The following MSRA variants were observed in gnomAD, a reference collection of about 807,000 sequenced individuals.
MSRA encodes mitochondrial peptide methionine sulfoxide reductase.
A neutral mutation model predicts 31.3 loss-of-function variants in MSRA; 54 were observed. The observed-to-expected ratio is 1.73, with a 90% CI of 1.39 to 2.17. The LOEUF (loss-of-function observed/expected upper bound fraction) is 2.17, where lower values mean the gene tolerates loss of function less well. Ranked by LOEUF, MSRA falls within the 30% of genes most tolerant of loss-of-function variation. The pLI is 0.00. For synonymous variants in MSRA, 169 were observed against 116.5 expected, an observed-to-expected ratio of 1.45 and a Z score of -2.90; for missense variants, 507 against 300.9, an observed-to-expected ratio of 1.69 and a Z score of -5.07.
chr8:10,352,694 T>C (rs1804250860), intron 5 of MSRA, among the ~76,000 whole-genome samples: 1 of 152,146 alleles, frequency 6.6e-6, no homozygotes, highest in South Asian at 2.1e-4. Flanking sequence ...CACATTTCCC[T>C]GGTGAGCAAA....
intron 3 of MSRA, among the ~76,000 whole-genome samples, chr8:10,254,210 C>A (rs1798061563): frequency 6.6e-6 from 1 of 152,202 alleles, no homozygotes; most frequent in Non-Finnish European, 1.5e-5. Flanking sequence ...TGGGAGGTAG[C>A]ATCACGTCTC....
At chr8:10,329,966 T>A (rs536732249) in intron 5 of MSRA, among the ~76,000 whole-genome samples, 16 of 149,628 alleles carry the variant, frequency 1.1e-4, no homozygotes, top group African/African-American at 3.7e-4. Context: ...TAGAAAAAAA[T>A]AAATCCTAAG....
At chr8:10,361,019 G>A (rs1002363235) in intron 5 of MSRA, among the ~76,000 whole-genome samples, 8 of 152,174 alleles carry the variant, frequency 5.3e-5, no homozygotes, top group African/African-American at 1.4e-4. Flanking sequence ...TTTTCAACCC[G>A]ATAAACAGCC....
rs375612576 is a variant in MSRA at position 10,076,778 on chromosome 8, C to T, written c.142+22120C>T. On this transcript the variant is annotated intron_variant, in intron 1 of 5. Transcript: ENST00000317173. ...TCTCCTGCCTTTCCGCAAGTGTCTCCACCCAGCTCCGATAGAGTGGGTAGC... is the reference window on the plus strand; with the variant it reads ...TCTCCTGCCTTTCCGCAAGTGTCTCTACCCAGCTCCGATAGAGTGGGTAGC... Among the ~76,000 whole-genome samples the T allele has an allele frequency of 7.2e-5, 11 of 152,200 alleles. No individual in the cohort carries two copies. In the East Asian group the frequency reaches 1.9e-3, roughly 27 times the overall value.
rs373225312 is a variant in MSRA, at chr8:10,156,561, TAAAC to T, written c.143-51269_143-51266del. On this transcript the variant is annotated intron_variant, in intron 1 of 5. Transcript: ENST00000317173. The stretch of plus-strand genomic sequence containing the variant: ...TCTGTAGGTTTGATATTTTTGAAAA[TAAAC>T]AATAAGTAAAACTAAGTGGCATAGA... Among the ~76,000 whole-genome samples the T allele has an allele frequency of 2.0e-3, 300 of 152,288 alleles. 1 individual carries two copies. Among genetic ancestry groups the T allele is most frequent in the African/African-American group, 6.7e-3 (278 of 41,568 alleles).
intron 5 of MSRA, chr8:10,353,723 C>A: frequency 2.2e-6 from 1 of 451,262 alleles, no homozygotes; most frequent in Non-Finnish European, 4.4e-6. Flanking sequence ...CCCACTGCCA[C>A]CTGTCTACGT....
chr8:10,353,032 C>T (rs562039362), intron 5 of MSRA, among the ~76,000 whole-genome samples: 1 of 152,080 alleles, frequency 6.6e-6, no homozygotes, highest in Non-Finnish European at 1.5e-5. Flanking sequence ...TTGCCTGATA[C>T]CATCTTCGTT....
rs185762696 is a variant in MSRA at position 10,078,600 on chromosome 8, C to G, written c.142+23942C>G. Among the ~76,000 whole-genome samples, 256 of 152,332 alleles carry G rather than the reference C, an allele frequency of 1.7e-3. 1 individual carries two copies. The highest frequency in any genetic ancestry group is 5.6e-3 in the African/African-American group (233 of 41,584). ...AGCTGTAAACTGTGAAAGTGTAGGG[C>G]TGGCAGCTGCCACGGTGCTGCACCC... On this transcript the variant is annotated intron_variant, in intron 1 of 5. Coordinates refer to ENST00000317173, the MANE Select transcript of MSRA (RefSeq NM_012331.5).
intron 1 of MSRA, 61 bp from the exon 2 acceptor site, chr8:10,207,772 A>G (rs1809122870): frequency 6.9e-7 from 1 of 1,439,328 alleles, no homozygotes; most frequent in Non-Finnish European, 9.5e-7. Context: ...ATTTAATGAC[A>G]TGTGTTAGTA....
intron 3 of MSRA, among the ~76,000 whole-genome samples, chr8:10,292,421 A>G (rs777807344): frequency 6.6e-6 from 1 of 152,244 alleles, no homozygotes; most frequent in Non-Finnish European, 1.5e-5. Context: ...GTTGCACCGC[A>G]TGGGACTGAT....
chr8:10,239,134 A>G (rs565120308), intron 2 of MSRA, among the ~76,000 whole-genome samples: 1 of 152,238 alleles, frequency 6.6e-6, no homozygotes, highest in South Asian at 2.1e-4. Context: ...GAGATGCTCA[A>G]CCTCAGTGGT....
rs79972706 is a variant in MSRA, at chr8:10,293,681, C to T, written c.332-7853C>T. On this transcript the variant is annotated intron_variant, in intron 3 of 5. Coordinates refer to ENST00000317173, the MANE Select transcript of MSRA (RefSeq NM_012331.5). ...CTTCCTCAGCTGTACTGCAGGTCTC[C>T]GTAAAGGGTTCCTTTCCTGTTTCCT... 1.1e-3 allele frequency among the ~76,000 whole-genome samples: 162 copies of T among 152,312 alleles called. 1 individual carries two copies. In the East Asian group the frequency reaches 0.023, roughly 22 times the overall value.
intron 4 of MSRA, among the ~76,000 whole-genome samples, chr8:10,308,199 T>G (rs113370265): frequency 0.012 from 1,874 of 152,366 alleles, 13 homozygotes; most frequent in Non-Finnish European, 0.021. Flanking sequence ...TATTCTCATT[T>G]TCTACAGCAG....
At chr8:10,320,889 A>G (rs1802010049) in intron 5 of MSRA, among the ~76,000 whole-genome samples, 1 of 152,136 alleles carries the variant, frequency 6.6e-6, no homozygotes, top group Non-Finnish European at 1.5e-5. Flanking sequence ...AACAGTCTCT[A>G]GTCATATTGG....
intron 2 of MSRA, among the ~76,000 whole-genome samples, chr8:10,228,637 A>G (rs776341595): frequency 6.6e-6 from 1 of 152,158 alleles, no homozygotes; most frequent in South Asian, 2.1e-4. Flanking sequence ...AGGGAGGTAT[A>G]GCAGAAAGGA....
intron 3 of MSRA, among the ~76,000 whole-genome samples, chr8:10,278,850 G>C (rs1799465531): frequency 6.6e-6 from 1 of 152,194 alleles, no homozygotes; most frequent in South Asian, 2.1e-4. Flanking sequence ...ATTCCCGTCA[G>C]ACTAATTTGA....
At chr8:10,289,728 T>G (rs747275742) in intron 3 of MSRA, among the ~76,000 whole-genome samples, 6 of 152,232 alleles carry the variant, frequency 3.9e-5, no homozygotes, top group Non-Finnish European at 7.3e-5. Flanking sequence ...AGTTGTCTTT[T>G]AACTCTGAGG....
intron 1 of MSRA, among the ~76,000 whole-genome samples, chr8:10,057,992 C>T (rs1802492643): frequency 6.6e-6 from 1 of 152,156 alleles, no homozygotes; most frequent in Admixed American, 6.5e-5. Context: ...ATGAATCTTA[C>T]CTTTTTATAG....
At chr8:10,065,213 G>T (rs1370394035) in intron 1 of MSRA, among the ~76,000 whole-genome samples, 1 of 152,050 alleles carries the variant, frequency 6.6e-6, no homozygotes, top group Non-Finnish European at 1.5e-5. Context: ...CAGAGCCCCA[G>T]GGTGTCCAGG....
Sources: gnomAD v4.1 joint callset for allele counts (sites outside exome capture counted in the v4.1 genomes callset) on GRCh38, gnomAD v4.1.1 for gene constraint, MANE v1.5 for transcripts, NCBI Gene and HGNC (gene_info 2026-07-23, HGNC 2026-07-21) for gene names.